Variants in NTM observed in about 807,000 individuals in gnomAD.
NTM encodes neurotrimin, also known as IgLON family member 2.
Under a neutral mutation model 42.1 loss-of-function variants are expected in NTM, and 13 were observed. The ratio of observed to expected loss-of-function variants is 0.31; its 90% CI spans 0.20 to 0.49. The LOEUF (loss-of-function observed/expected upper bound fraction) is 0.49, where lower values mean the gene tolerates loss of function less well. NTM is among the 20% of genes least tolerant of loss of function. The pLI, the probability that NTM is intolerant of heterozygous loss-of-function variation, is 0.99. For synonymous variants in NTM, 187 were observed against 179.2 expected, an observed-to-expected ratio of 1.04 and a Z score of -0.35; for missense variants, 373 against 452.8, an observed-to-expected ratio of 0.82 and a Z score of 1.60.
intron 1 of NTM, among the ~76,000 whole-genome samples, chr11:131,669,537 AG>A (rs2069726746): frequency 6.6e-6 from 1 of 152,128 alleles, no homozygotes; most frequent in South Asian, 2.1e-4. Context: ...GGGGCATGTT[AG>A]GGGCATTGAA....
intron 3 of NTM, among the ~76,000 whole-genome samples, chr11:132,176,851 C>T (rs1181990644): frequency 2.0e-5 from 3 of 151,100 alleles, no homozygotes; most frequent in Non-Finnish European, 4.4e-5. Flanking sequence ...GCCTCAGCCT[C>T]CCAAGTAGCC....
chr11:132,122,230 T>C (rs2064961442), intron 2 of NTM, among the ~76,000 whole-genome samples: 1 of 152,184 alleles, frequency 6.6e-6, no homozygotes, highest in African/African-American at 2.4e-5. Flanking sequence ...CAAAGTGATC[T>C]CTGCCTGAGA....
intron 1 of NTM, among the ~76,000 whole-genome samples, chr11:131,578,556 T>G (rs1323433524): frequency 6.6e-6 from 1 of 152,176 alleles, no homozygotes; most frequent in Non-Finnish European, 1.5e-5. Flanking sequence ...TTTCATTCAT[T>G]CTTTCTGAAT....
intron 4 of NTM, among the ~76,000 whole-genome samples, chr11:132,212,743 T>C (rs927972764): frequency 3.3e-5 from 5 of 152,264 alleles, no homozygotes; most frequent in African/African-American, 9.6e-5. Flanking sequence ...TTTCATGGAT[T>C]GTACATTAAA....
intron 2 of NTM, among the ~76,000 whole-genome samples, chr11:131,927,117 T>A (rs2058051347): frequency 6.6e-6 from 1 of 152,182 alleles, no homozygotes; most frequent in Admixed American, 6.5e-5. Context: ...ATATTTCATC[T>A]CTCTATTCAG....
At chr11:131,928,930 A>AT (rs955299092) in intron 2 of NTM, among the ~76,000 whole-genome samples, 19 of 152,034 alleles carry the variant, frequency 1.2e-4, no homozygotes, top group African/African-American at 4.6e-4. Context: ...CCTTTCCTTC[A>AT]TTTTTTCAAT....
chr11:132,060,463 T>C (rs770535641), intron 2 of NTM, among the ~76,000 whole-genome samples: 6 of 133,110 alleles, frequency 4.5e-5, no homozygotes, highest in Non-Finnish European at 1.8e-5. Flanking sequence ...TAATGGAACA[T>C]AGCAGTGAGA....
chr11:131,745,656 C>T (rs2081732147), intron 1 of NTM, among the ~76,000 whole-genome samples: 2 of 152,038 alleles, frequency 1.3e-5, no homozygotes, highest in Admixed American at 1.3e-4. Context: ...CAAGTCACTT[C>T]ATCTTAGAAA....
chr11:131,660,994 AT>A (rs1322625463), intron 1 of NTM: 21 of 1,304,446 alleles, frequency 1.6e-5, no homozygotes, highest in African/African-American at 3.0e-5. Context: ...GGAAAAAAAA[AT>A]GAACGGAAAA....
chr11:131,567,718 G>A (rs2057038426), intron 1 of NTM, among the ~76,000 whole-genome samples: 1 of 152,204 alleles, frequency 6.6e-6, no homozygotes, highest in East Asian at 1.9e-4. Context: ...CAGCTCAGTT[G>A]TGTAAATGTT....
intron 1 of NTM, among the ~76,000 whole-genome samples, chr11:131,613,148 C>G (rs1170123775): frequency 1.3e-5 from 2 of 152,160 alleles, no homozygotes; most frequent in Non-Finnish European, 2.9e-5. Context: ...TAGCACACTT[C>G]TTGCAGGAAA....
intron 4 of NTM, among the ~76,000 whole-genome samples, chr11:132,292,593 A>G (rs1388841319): frequency 6.6e-6 from 1 of 151,918 alleles, no homozygotes; most frequent in African/African-American, 2.4e-5. Context: ...GTATGAGTGT[A>G]CGGAGAAGCC....
intron 1 of NTM, among the ~76,000 whole-genome samples, chr11:131,398,012 A>C (rs1307182448): frequency 6.6e-6 from 1 of 152,228 alleles, no homozygotes; most frequent in African/African-American, 2.4e-5. Flanking sequence ...AGGTTGTATC[A>C]AGAATATTCT....
In NTM at chr11:132,173,538, A is replaced by G. The variant is rs565875980; in HGVS notation, c.400+27024A>G. ...CTGCCAGATGTGTAGTAAACTAAGT[A>G]TTTCCTCTTCTCCACAAAGGGATGC... is the stretch of plus-strand genomic sequence containing the variant. On this transcript the variant is annotated intron_variant, in intron 3 of 8. Coordinates refer to ENST00000683400, the MANE Select transcript of NTM (RefSeq NM_001352005.2). Among the ~76,000 whole-genome samples, 8 of 152,348 alleles carry G rather than the reference A, an allele frequency of 5.3e-5. No homozygotes were observed. In the East Asian group the frequency reaches 1.5e-3, roughly 29 times the overall value.
intron 3 of NTM, among the ~76,000 whole-genome samples, chr11:132,155,356 G>C (rs76034649): frequency 0.064 from 9,724 of 152,224 alleles, 503 homozygotes; most frequent in African/African-American, 0.14. Context: ...TCATTGTTGT[G>C]ATCATCCAAC....
At chr11:132,257,495 C>G (rs116033024) in intron 4 of NTM, among the ~76,000 whole-genome samples, 1 of 152,146 alleles carries the variant, frequency 6.6e-6, no homozygotes, top group Non-Finnish European at 1.5e-5. Flanking sequence ...GAAGCTGGAG[C>G]GGGGAGGGAC....
chr11:132,128,861 C>T (rs1309206187), intron 2 of NTM, among the ~76,000 whole-genome samples: 2 of 146,104 alleles, frequency 1.4e-5, no homozygotes, highest in Admixed American at 7.1e-5. Context: ...TGGCATGAAT[C>T]CGGGAGGCAG....
intron 1 of NTM, among the ~76,000 whole-genome samples, chr11:131,811,146 T>C (rs2136309770): frequency 6.6e-6 from 1 of 152,310 alleles, no homozygotes; most frequent in African/African-American, 2.4e-5. Flanking sequence ...CCATTGTATA[T>C]AGAGATCTAG....
At chr11:131,997,076 G>A (rs1394836708) in intron 2 of NTM, among the ~76,000 whole-genome samples, 1 of 152,214 alleles carries the variant, frequency 6.6e-6, no homozygotes, top group South Asian at 2.1e-4. Context: ...TGGCCTAACA[G>A]CTGCAGCTGG....
Sources: allele counts gnomAD v4.1 joint callset (sites outside exome capture counted in the v4.1 genomes callset), GRCh38; gene constraint gnomAD v4.1.1; transcripts MANE v1.5; gene names NCBI Gene and HGNC (gene_info 2026-07-23, HGNC 2026-07-21).